Variants in MACROD2 observed in about 807,000 individuals in gnomAD.
MACROD2 encodes the protein mono-ADP ribosylhydrolase 2.
Under a neutral mutation model 70.4 loss-of-function variants are expected in MACROD2, and 36 were observed. The observed-to-expected ratio is 0.51, with a 90% CI of 0.39 to 0.68. MACROD2 has a LOEUF of 0.68. Ranked by LOEUF, MACROD2 falls within the 30% of genes least tolerant of loss-of-function variation. The pLI is 0.00. For missense variants in MACROD2, 496 were observed against 538.4 expected (o/e 0.92, Z 0.78); for synonymous variants, 172 against 178.8 (o/e 0.96, Z 0.30).
intron 3 of MACROD2, among the ~76,000 whole-genome samples, chr20:14,479,109 G>T (rs751567839): frequency 6.6e-6 from 1 of 152,104 alleles, no homozygotes; most frequent in Non-Finnish European, 1.5e-5. Flanking sequence ...TGGTGGAAAA[G>T]AAATGACTTC....
intron 3 of MACROD2, among the ~76,000 whole-genome samples, chr20:14,448,987 TAA>T (rs1420296866): frequency 6.6e-6 from 1 of 152,154 alleles, no homozygotes; most frequent in Admixed American, 6.5e-5. Flanking sequence ...AATCTATAAT[TAA>T]GTCTACCACT....
intron 8 of MACROD2, among the ~76,000 whole-genome samples, chr20:15,676,810 T>C (rs1328973569): frequency 1.3e-5 from 2 of 152,218 alleles, no homozygotes; most frequent in Admixed American, 1.3e-4. Context: ...ATCTTACTTA[T>C]TCATCATGAT....
chr20:14,863,052 T>C, intron 5 of MACROD2, among the ~76,000 whole-genome samples: 1 of 152,002 alleles, frequency 6.6e-6, no homozygotes, highest in East Asian at 1.9e-4. Context: ...GTATTATTAG[T>C]ATTCACTAGC....
At chr20:14,957,703 C>T (rs2074549298) in intron 5 of MACROD2, among the ~76,000 whole-genome samples, 1 of 152,214 alleles carries the variant, frequency 6.6e-6, no homozygotes, top group South Asian at 2.1e-4. Flanking sequence ...CATGTCTCTA[C>T]TGTGGGACAG....
chr20:15,104,584 G>C (rs1568575376), intron 5 of MACROD2, among the ~76,000 whole-genome samples: 1 of 152,164 alleles, frequency 6.6e-6, no homozygotes, highest in Non-Finnish European at 1.5e-5. Flanking sequence ...AGGTAATTTG[G>C]ACAGCCTTTG....
At chr20:14,883,399 G>C (rs1363500415) in intron 5 of MACROD2, among the ~76,000 whole-genome samples, 2 of 152,114 alleles carry the variant, frequency 1.3e-5, no homozygotes, top group Non-Finnish European at 2.9e-5. Flanking sequence ...TGGGTTTATA[G>C]AGCCTTTAGC....
At chr20:14,869,860 G>A (rs930848758) in intron 5 of MACROD2, among the ~76,000 whole-genome samples, 2 of 151,986 alleles carry the variant, frequency 1.3e-5, no homozygotes, top group South Asian at 2.1e-4. Flanking sequence ...TTTATGTCTC[G>A]TTCACCTCAA....
chr20:14,698,441 T>C (rs1012957101), intron 5 of MACROD2, among the ~76,000 whole-genome samples: 6 of 152,134 alleles, frequency 3.9e-5, no homozygotes, highest in Non-Finnish European at 8.8e-5. Flanking sequence ...GAGCACTGCT[T>C]AACTCCAAGT....
chr20:14,980,866 C>A (rs2074790645), intron 5 of MACROD2, among the ~76,000 whole-genome samples: 1 of 152,162 alleles, frequency 6.6e-6, no homozygotes, highest in Non-Finnish European at 1.5e-5. Flanking sequence ...CCCTCTTCTT[C>A]TAATTCACTT....
intron 3 of MACROD2, among the ~76,000 whole-genome samples, chr20:14,319,824 CT>C (rs1198721563): frequency 1.3e-5 from 2 of 152,070 alleles, no homozygotes; most frequent in Non-Finnish European, 2.9e-5. Flanking sequence ...TCTTCTTCCC[CT>C]GCTACAAAGG....
At chr20:15,573,117 A>G (rs2048397421) in intron 8 of MACROD2, among the ~76,000 whole-genome samples, 1 of 152,122 alleles carries the variant, frequency 6.6e-6, no homozygotes, top group Non-Finnish European at 1.5e-5. Flanking sequence ...TAACACCAAA[A>G]TAACTGCAAT....
chr20:14,537,777 A>G (rs1357099894), intron 4 of MACROD2, among the ~76,000 whole-genome samples: 1 of 152,160 alleles, frequency 6.6e-6, no homozygotes, highest in Non-Finnish European at 1.5e-5. Context: ...TGGAAATGGC[A>G]CCAGTGGTTC....
chr20:14,280,210 T>C (rs1172883219), intron 3 of MACROD2, among the ~76,000 whole-genome samples: 1 of 152,128 alleles, frequency 6.6e-6, no homozygotes, highest in Admixed American at 6.6e-5. Context: ...TTTTAAAATT[T>C]GGAGAAATTC....
intron 10 of MACROD2, among the ~76,000 whole-genome samples, chr20:15,931,392 A>G (rs6105494): frequency 0.55 from 83,184 of 152,018 alleles, 27,420 homozygotes; most frequent in Non-Finnish European, 0.73. Flanking sequence ...CTGTAATCCC[A>G]GCAGTTTGGG....
At chr20:14,703,660 A>G (rs926023647) in intron 5 of MACROD2, among the ~76,000 whole-genome samples, 2 of 152,188 alleles carry the variant, frequency 1.3e-5, no homozygotes, top group African/African-American at 2.4e-5. Context: ...AAGTGAGATC[A>G]TGCCACTGCT....
intron 3 of MACROD2, among the ~76,000 whole-genome samples, chr20:14,415,233 G>A (rs116997194): frequency 0.024 from 3,637 of 152,172 alleles, 76 homozygotes; most frequent in Admixed American, 0.03. Flanking sequence ...TTATACCAGC[G>A]TGTAACACCA....
At chr20:15,428,223 C>T (rs1260224456) in intron 6 of MACROD2, among the ~76,000 whole-genome samples, 6 of 152,306 alleles carry the variant, frequency 3.9e-5, no homozygotes, top group African/African-American at 1.4e-4. Context: ...AAAAGCAGTG[C>T]TCAGAGTAGT....
intron 5 of MACROD2, among the ~76,000 whole-genome samples, chr20:14,786,237 A>AGAGAGAGAGAGAG (rs1555830144): frequency 6.7e-6 from 1 of 150,274 alleles, no homozygotes; most frequent in Non-Finnish European, 1.5e-5. Flanking sequence ...AGAGAGAGAG[A>AGAGAGAGAGAGAG]ATATGAGGGA....
chr20:15,869,232 T>TAGAGAGAGAGAG (rs1282844011), intron 9 of MACROD2, among the ~76,000 whole-genome samples: 2 of 33,106 alleles, frequency 6.0e-5, no homozygotes, highest in Non-Finnish European at 8.4e-5. Context: ...TATATATATA[T>TAGAGAGAGAGAG]ATATATAGAG....
Sources: gnomAD v4.1 joint callset for allele counts (sites outside exome capture counted in the v4.1 genomes callset) on GRCh38, gnomAD v4.1.1 for gene constraint, MANE v1.5 for transcripts, NCBI Gene and HGNC (gene_info 2026-07-23, HGNC 2026-07-21) for gene names.